Variants in LCTL observed in about 807,000 individuals in gnomAD.
LCTL encodes lactase-like protein.
Under a neutral mutation model 75.8 loss-of-function variants are expected in LCTL, and 76 were observed. The observed-to-expected ratio is 1.00, with a 90% CI of 0.83 to 1.21. The LOEUF (loss-of-function observed/expected upper bound fraction) is 1.21. LCTL is among the 50% of genes most tolerant of loss of function. The probability of loss-of-function intolerance (pLI) is 0.00; values close to 1 mark genes in which losing one functional copy is unlikely to be tolerated. For missense variants in LCTL, 670 were observed against 712.4 expected, an observed-to-expected ratio of 0.94 and a Z score of 0.68; for synonymous variants, 271 against 268.8, an observed-to-expected ratio of 1.01 and a Z score of -0.08.
exon 11 of LCTL, chr15:66,551,814 A>G (rs1327415357): frequency 1.2e-6 from 2 of 1,613,906 alleles, no homozygotes; most frequent in East Asian, 2.2e-5. Flanking sequence ...AACTTATCCA[A>G]CAGAGACCAG....
At chr15:66,552,812 G>A (rs1207340630) in intron 9 of LCTL, among the ~76,000 whole-genome samples, 172 bp downstream of exon 10, 1 of 152,138 alleles carries the variant, frequency 6.6e-6, no homozygotes, top group Non-Finnish European at 1.5e-5. Context: ...ACATGCAAAT[G>A]GTTATGCATG....
Position 66,557,248 on chromosome 15 carries a change from TG to T in LCTL, c.922+473del, listed in dbSNP as rs1416912710. Among the ~76,000 whole-genome samples the T allele has an allele frequency of 8.5e-5, 13 of 152,332 alleles. 1 individual carries two copies. In the East Asian group the frequency reaches 2.5e-3, roughly 29 times the overall value. On this transcript the variant is annotated intron_variant, in intron 8 of 12. Transcript: ENST00000341509. ...TTTTTAGGTAGAATTTTCTGTTACG[TG>T]GCAGTTAAAAACATCCAAATTGATA...
At chr15:66,557,942 A>G (rs1336871653) in intron 7 of LCTL, 40 bp downstream of exon 8, 1 of 1,608,664 alleles carries the variant, frequency 6.2e-7, no homozygotes, top group East Asian at 2.2e-5. Context: ...TGCTCCGGGC[A>G]CTTGGCTGTC....
intron 6 of LCTL, among the ~76,000 whole-genome samples, chr15:66,558,537 G>T (rs1190641121): frequency 6.6e-6 from 1 of 152,146 alleles, no homozygotes; most frequent in East Asian, 1.9e-4. Flanking sequence ...CTAGAACAGT[G>T]ATTATCGGTG....
intron 8 of LCTL, among the ~76,000 whole-genome samples, chr15:66,555,693 T>G (rs1380654537): frequency 6.6e-6 from 1 of 152,146 alleles, no homozygotes; most frequent in Non-Finnish European, 1.5e-5. Context: ...TTGGACTTCA[T>G]GAAATTTTTA....
rs779101847 is a variant in LCTL at position 66,553,265 on chromosome 15, A to G, written c.923-7T>C. Reference sequence around the variant, plus strand: ...TGCTCTGCACTCTTTCTTCCTTTTGAGAGAGAAAAGTAGAATTTAACAAAG... The same window carrying G: ...TGCTCTGCACTCTTTCTTCCTTTTGGGAGAGAAAAGTAGAATTTAACAAAG... On this transcript the variant is annotated splice_region_variant and splice_polypyrimidine_tract_variant and intron_variant, in intron 8 of 12. Coordinates refer to ENST00000341509, the Ensembl canonical transcript of LCTL. The G allele has an allele frequency of 2.6e-6, 4 of 1,531,204 alleles. No individual in the cohort carries two copies. The South Asian group carries it at 5.2e-5, about 20-fold the overall frequency. 94.9% of individuals were successfully genotyped at this position (1,531,204 alleles called of 1,614,324 possible).
Position 66,564,856 on chromosome 15 carries a change from G to A in LCTL, c.119-17C>T, listed in dbSNP as rs766196972. 50 of 1,605,168 alleles carry A rather than the reference G, an allele frequency of 3.1e-5. 1 individual carries two copies. In the Middle Eastern group the frequency reaches 2.0e-3, roughly 64 times the overall value. ...AGGAGAAGCCTGCAGGGGGAGACCC[G>A]TGCTGGGTCCCAGGTGCTCCCATGT... is the stretch of plus-strand genomic sequence containing the variant. On this transcript the variant is annotated splice_polypyrimidine_tract_variant and intron_variant, in intron 1 of 12. Coordinates refer to ENST00000341509, the Ensembl canonical transcript of LCTL.
intron 8 of LCTL, among the ~76,000 whole-genome samples, chr15:66,554,360 G>A (rs1245402618): frequency 2.0e-5 from 3 of 151,410 alleles, no homozygotes; most frequent in Non-Finnish European, 4.4e-5. Flanking sequence ...TCGGGAAGCT[G>A]AGGCAGGAGA....
chr15:66,551,918 C>A, intron 10 of LCTL, 57 bp from the exon 12 acceptor site: 3 of 1,530,416 alleles, frequency 2.0e-6, no homozygotes, highest in Non-Finnish European at 2.7e-6. Context: ...AAAAATAAAA[C>A]TGAAGATAAT....
intron 11 of LCTL, 169 bp from the exon 13 acceptor site, chr15:66,550,273 C>G: frequency 1.8e-6 from 1 of 568,502 alleles, no homozygotes; most frequent in South Asian, 2.4e-5. Flanking sequence ...TACTGTACAT[C>G]CATGTACATC....
chr15:66,557,044 G>A (rs1895757618), intron 8 of LCTL, among the ~76,000 whole-genome samples: 1 of 152,090 alleles, frequency 6.6e-6, no homozygotes, highest in African/African-American at 2.4e-5. Flanking sequence ...TGCGATGCCT[G>A]GGGTTGCTGC....
At chr15:66,564,059 C>T in intron 2 of LCTL, 61 bp from the exon 4 acceptor site, 2 of 1,115,686 alleles carry the variant, frequency 1.8e-6, no homozygotes, top group Admixed American at 1.7e-5. Context: ...GGTAGGGGTC[C>T]ATCGGGCTCT....
chr15:66,558,110 C>G (rs968281560), intron 6 of LCTL, 74 bp from the exon 8 acceptor site: 33 of 1,303,836 alleles, frequency 2.5e-5, no homozygotes, highest in Non-Finnish European at 3.4e-5. Flanking sequence ...AGTGGCCTTT[C>G]TTTGCTTCCT....
chr15:66,556,101 T>TA lies in LCTL; in HGVS notation c.922+1620dup, dbSNP rs1290475772. Among the ~76,000 whole-genome samples the TA allele has an allele frequency of 6.6e-5, 10 of 151,570 alleles. No individual in the cohort carries two copies. The South Asian group carries it at 1.7e-3, about 25-fold the overall frequency. ...TGTTGAAAACAGTACGATGCTTCCTTAAAAAAAAATTAAAAATGGAATTTT... is the reference window on the plus strand; with the variant it reads ...TGTTGAAAACAGTACGATGCTTCCTTAAAAAAAAAATTAAAAATGGAATTTT... On this transcript the variant is annotated intron_variant, in intron 8 of 12. Coordinates refer to ENST00000341509, the Ensembl canonical transcript of LCTL.
At chr15:66,562,209 C>T (rs1716288117) in intron 4 of LCTL, among the ~76,000 whole-genome samples, 1 of 152,122 alleles carries the variant, frequency 6.6e-6, no homozygotes, top group African/African-American at 2.4e-5. Flanking sequence ...TCGAGACCAG[C>T]CTGGCCAACA....
intron 2 of LCTL, chr15:66,564,234 G>A (rs1281437253): frequency 1.2e-5 from 7 of 564,722 alleles, no homozygotes; most frequent in African/African-American, 5.7e-5. Context: ...CCATCAGGGT[G>A]CCCCTAGTAA....
At chr15:66,553,975 G>A (rs1254059109) in intron 8 of LCTL, among the ~76,000 whole-genome samples, 2 of 151,370 alleles carry the variant, frequency 1.3e-5, no homozygotes, top group African/African-American at 4.9e-5. Flanking sequence ...GGCTAACATG[G>A]TGAAACCCTG....
At chr15:66,551,378 G>C (rs16950010) in intron 11 of LCTL, among the ~76,000 whole-genome samples, 44,029 of 142,264 alleles carry the variant, frequency 0.31, 7,050 homozygotes, top group South Asian at 0.38. Flanking sequence ...AAAGACACGA[G>C]ATTTAGAATA....
exon 4 of LCTL, chr15:66,563,573 G>C: frequency 1.2e-6 from 2 of 1,612,698 alleles, no homozygotes; most frequent in Non-Finnish European, 1.7e-6. Context: ...TGCTCAGAAG[G>C]GCATCGATAA....
Sources: allele counts gnomAD v4.1 joint callset (sites outside exome capture counted in the v4.1 genomes callset), GRCh38; gene constraint gnomAD v4.1.1; transcripts MANE v1.5; gene names NCBI Gene and HGNC (gene_info 2026-07-23, HGNC 2026-07-21).